Variants in ASAH2 observed in about 807,000 individuals in gnomAD.
ASAH2 encodes neutral ceramidase.
A neutral mutation model predicts 82.9 loss-of-function variants in ASAH2; 58 were observed. The observed-to-expected ratio is 0.70, with a 90% CI of 0.57 to 0.87. ASAH2 has a LOEUF of 0.87. Among genes scored for constraint, ASAH2 ranks in the 40% least tolerant of loss-of-function variants. The pLI is 0.00. For missense variants in ASAH2, 779 were observed against 834.0 expected (o/e 0.93, Z 0.81); for synonymous variants, 276 against 289.7 (o/e 0.95, Z 0.48).
At chr10:50,236,839 C>A (rs1846172737) in intron 4 of ASAH2, among the ~76,000 whole-genome samples, 2 of 152,194 alleles carry the variant, frequency 1.3e-5, no homozygotes, top group South Asian at 4.1e-4. Context: ...ACTAGAGAAC[C>A]AGTACTCTTA....
intron 10 of ASAH2, among the ~76,000 whole-genome samples, chr10:50,211,650 T>A (rs1845456862): frequency 6.6e-6 from 1 of 152,206 alleles, no homozygotes; most frequent in Non-Finnish European, 1.5e-5. Context: ...TGTGTTTTAA[T>A]ATGGTCAATT....
Position 50,234,995 on chromosome 10 carries a change from C to T in ASAH2, c.688-443G>A, listed in dbSNP as rs1383694109. ...TTCAAACTTTTTTGACAGTGAACTA[C>T]AGTGAGAGATACATTTTTCATCATA... On this transcript the variant is annotated intron_variant, in intron 5 of 20. Transcript: ENST00000682911. Among the ~76,000 whole-genome samples the T allele has an allele frequency of 6.6e-5, 10 of 152,258 alleles. No homozygotes were observed. The East Asian group carries it at 1.2e-3, about 18-fold the overall frequency.
At chr10:50,207,202 G>GTTTA (rs1845323549) in intron 12 of ASAH2, among the ~76,000 whole-genome samples, 9 of 151,806 alleles carry the variant, frequency 5.9e-5, no homozygotes, top group Non-Finnish European at 1.3e-4. Flanking sequence ...ATTTATAGTT[G>GTTTA]TAAATGCCCA....
intron 7 of ASAH2, among the ~76,000 whole-genome samples, chr10:50,219,429 G>A: frequency 6.6e-6 from 1 of 152,188 alleles, no homozygotes. Context: ...TCAAGTCTGG[G>A]TCTTGTGACA....
intron 7 of ASAH2, among the ~76,000 whole-genome samples, chr10:50,229,052 C>A (rs2133221299): frequency 6.6e-6 from 1 of 152,232 alleles, no homozygotes; most frequent in East Asian, 1.9e-4. Context: ...TTCCACTGAC[C>A]ACAACTACCA....
Position 50,211,064 on chromosome 10 carries a change from G to A in ASAH2, c.1298C>T (p.Thr433Ile). The A allele has an allele frequency of 6.2e-7, 1 of 1,613,746 alleles. No individual in the cohort carries two copies. Among genetic ancestry groups the A allele is most frequent in the Non-Finnish European group, 8.5e-7 (1 of 1,179,734 alleles). The change falls in exon 11 of 21, where the codon ACA (threonine) becomes ATA (isoleucine). Residue 433 changes from threonine (T) to isoleucine (I), a missense_variant. Thr to Ile is a moderately conservative substitution (Grantham distance 89, BLOSUM62 -1). This residue lies in a region of ASAH2 where 759 missense variants were observed against 755.2 expected (regional missense o/e 1.00). Coordinates refer to ENST00000682911, the MANE Select transcript of ASAH2 (RefSeq NM_019893.4). ...LASAHQWVDM[T>I]DVTVWLNSTH... ...GGAATTGAGCCAGACAGTCACATCT[G>A]TCATATCCACCCACTGGTGTGCTGA...
chr10:50,230,640 C>G (rs1441982684), intron 7 of ASAH2, among the ~76,000 whole-genome samples: 1 of 152,120 alleles, frequency 6.6e-6, no homozygotes, highest in Non-Finnish European at 1.5e-5. Context: ...ATAACCTTGA[C>G]AGTTGACCGA....
chr10:50,243,036 C>A (rs1846344896), intron 4 of ASAH2, among the ~76,000 whole-genome samples, 166 bp downstream of exon 4: 1 of 152,140 alleles, frequency 6.6e-6, no homozygotes, highest in African/African-American at 2.4e-5. Flanking sequence ...TAGTGAAGAT[C>A]ATTTTCCTTG....
rs992855079 is a variant in ASAH2, at chr10:50,202,715, C to T, written c.1761+114G>A. The T allele has an allele frequency of 2.2e-4, 173 of 795,590 alleles. No homozygotes were observed. In the African/African-American group the frequency reaches 2.7e-3, roughly 12 times the overall value. The allele number at this position is 795,590 out of a possible 1,614,324, so 49.3% of individuals were successfully genotyped here. A position where few individuals can be genotyped will look rare whatever the true frequency, so the allele number is the denominator to read the frequency against. Reference sequence around the variant, plus strand: ...ATCCTCTTACCTGTTATACCTGAAACATAATCATCTCTCAGAAACATGACT... The same window carrying T: ...ATCCTCTTACCTGTTATACCTGAAATATAATCATCTCTCAGAAACATGACT... On this transcript the variant is annotated intron_variant, in intron 16 of 20. Transcript: ENST00000682911.
chr10:50,243,963 T>G (rs902999626), intron 3 of ASAH2, among the ~76,000 whole-genome samples: 2 of 152,142 alleles, frequency 1.3e-5, no homozygotes, highest in Non-Finnish European at 2.9e-5. Flanking sequence ...TTACTGCCCA[T>G]GACATGGGGT....
rs1031224317 is a variant in ASAH2, at chr10:50,213,982, A to G, written c.1140+761T>C. On this transcript the variant is annotated intron_variant, in intron 9 of 20. Coordinates refer to ENST00000682911, the MANE Select transcript of ASAH2 (RefSeq NM_019893.4). The stretch of plus-strand genomic sequence containing the variant: ...AAGTAGCATCTACTGCTCATGTCAA[A>G]GTTGAAAACAAAGCTAAATGAACAT... Among the ~76,000 whole-genome samples the G allele has an allele frequency of 1.2e-4, 19 of 152,324 alleles. 1 individual carries two copies. The highest frequency in any genetic ancestry group is 4.1e-4 in the African/African-American group (17 of 41,586).
In ASAH2 at chr10:50,200,420, T is replaced by C. The variant is rs1309381857; in HGVS notation, c.1762-1274A>G. Among the ~76,000 whole-genome samples, 7 of 151,656 alleles carry C rather than the reference T, an allele frequency of 4.6e-5. No homozygotes were observed. The East Asian group carries it at 1.4e-3, about 30-fold the overall frequency. ...ACGAATTGTGGTCCATCAATGTGCCTGCCCTCTGGACCTTTGCATATATCG... is the reference window on the plus strand; with the variant it reads ...ACGAATTGTGGTCCATCAATGTGCCCGCCCTCTGGACCTTTGCATATATCG... On this transcript the variant is annotated intron_variant, in intron 16 of 20. Transcript: ENST00000682911.
intron 4 of ASAH2, among the ~76,000 whole-genome samples, chr10:50,240,052 T>A (rs1366382036): frequency 6.6e-6 from 1 of 152,070 alleles, no homozygotes; most frequent in Non-Finnish European, 1.5e-5. Flanking sequence ...GGTCTCGAAC[T>A]CCTGACCTCA....
chr10:50,245,181 C>T lies in ASAH2; in HGVS notation c.360+41G>A, dbSNP rs1297281241. 2.1e-6 allele frequency: 3 copies of T among 1,453,194 alleles called. No individual in the cohort carries two copies. In the African/African-American group the frequency reaches 4.3e-5, roughly 21 times the overall value. 90.0% of individuals were successfully genotyped at this position (1,453,194 alleles called of 1,614,324 possible). ...TGCAGGTTGTAAAATAATAAAATTA[C>T]TTGTTTCACAGTCTCCTTAAGGAGC... On this transcript the variant is annotated intron_variant, in intron 3 of 20. Coordinates refer to ENST00000682911, the MANE Select transcript of ASAH2 (RefSeq NM_019893.4).
intron 17 of ASAH2, among the ~76,000 whole-genome samples, chr10:50,197,264 T>C (rs1845012227): frequency 6.6e-6 from 1 of 151,966 alleles, no homozygotes. Flanking sequence ...AATTATACCA[T>C]GACAGTGTAA....
chr10:50,202,904 C>T lies in ASAH2; in HGVS notation c.1686G>A (p.Met562Ile). The change falls in exon 16 of 21, where the codon ATG becomes ATA. Residue 562 changes from methionine to isoleucine, a missense_variant. Physicochemically the swap from Met to Ile is conservative, Grantham distance 10. Coordinates refer to ENST00000682911, the MANE Select transcript of ASAH2 (RefSeq NM_019893.4). The stretch of plus-strand genomic sequence containing the variant: ...CTGAAATAACAACAGTCATGTTCTG[C>T]ATCCCATGAGATGCAAATTCCTAGG... ...AVQAEFASHG[M>I]QNMTVVISGL... The T allele has an allele frequency of 6.2e-7, 1 of 1,610,770 alleles. No individual in the cohort carries two copies. The highest frequency in any genetic ancestry group is 8.5e-7 in the Non-Finnish European group (1 of 1,177,376).
chr10:50,226,562 G>A (rs1432631178), intron 7 of ASAH2, among the ~76,000 whole-genome samples: 2 of 152,102 alleles, frequency 1.3e-5, no homozygotes, highest in African/African-American at 2.4e-5. Flanking sequence ...ATGTGTCAAT[G>A]TAGGTTCATC....
In ASAH2 at chr10:50,211,717, G is replaced by T. The variant is rs914500886; in HGVS notation, c.1228-583C>A. ...TGAAAACAAGTTTAAAAAACTCTTT[G>T]TTTTTATTAATTCGCATTATATAAC... is the stretch of plus-strand genomic sequence containing the variant. On this transcript the variant is annotated intron_variant, in intron 10 of 20. Transcript: ENST00000682911. 4.7e-4 allele frequency among the ~76,000 whole-genome samples: 71 copies of T among 152,192 alleles called. No individual in the cohort carries two copies. The Middle Eastern group carries it at 0.01, about 22-fold the overall frequency.
chr10:50,234,733 CT>C (rs1263122558), intron 5 of ASAH2, among the ~76,000 whole-genome samples, 181 bp from the exon 6 acceptor site: 1 of 151,990 alleles, frequency 6.6e-6, no homozygotes, highest in Non-Finnish European at 1.5e-5. Flanking sequence ...ACAGAAATGG[CT>C]TTCAAGGTTG....
Sources: allele counts gnomAD v4.1 joint callset (sites outside exome capture counted in the v4.1 genomes callset), GRCh38; gene constraint gnomAD v4.1.1; regional missense constraint gnomAD v4.1.1; transcripts MANE v1.5; gene names NCBI Gene and HGNC (gene_info 2026-07-23, HGNC 2026-07-21).